The following CRISPLD1 variants were observed in gnomAD, a reference collection of about 807,000 sequenced individuals.
CRISPLD1 encodes the protein cysteine-rich secretory protein LCCL domain-containing 1.
CRISPLD1 carries 60 observed loss-of-function variants against 77.5 expected under a neutral mutation model. The observed-to-expected ratio is 0.77, with a 90% CI of 0.63 to 0.96. The LOEUF is 0.96. Among genes scored for constraint, CRISPLD1 ranks in the 40% least tolerant of loss-of-function variants. The pLI is 0.00. For missense variants in CRISPLD1, 623 were observed against 615.8 expected (o/e 1.01, Z -0.12); for synonymous variants, 195 against 200.1 (o/e 0.97, Z 0.22).
intron 12 of CRISPLD1, among the ~76,000 whole-genome samples, chr8:75,025,332 T>A (rs572753996): frequency 6.6e-6 from 1 of 151,604 alleles, no homozygotes; most frequent in Admixed American, 6.6e-5. Flanking sequence ...TCCTAACTAA[T>A]TTTTTTTAAA....
At chr8:75,030,341 A>G (rs1813313060) in intron 14 of CRISPLD1, among the ~76,000 whole-genome samples, 1 of 152,088 alleles carries the variant, frequency 6.6e-6, no homozygotes, top group Non-Finnish European at 1.5e-5. Context: ...CTGTTTTCAT[A>G]TTAGACTATA....
chr8:74,995,851 A>G (rs557025339), intron 2 of CRISPLD1, among the ~76,000 whole-genome samples: 24 of 152,156 alleles, frequency 1.6e-4, no homozygotes, highest in Non-Finnish European at 3.1e-4. Context: ...CCGATTAAGA[A>G]TTACATTTAG....
chr8:74,990,032 A>G (rs1381006441), intron 2 of CRISPLD1, among the ~76,000 whole-genome samples: 1 of 152,206 alleles, frequency 6.6e-6, no homozygotes, highest in Non-Finnish European at 1.5e-5. Flanking sequence ...TCTCACTTAC[A>G]TGTGGGAGCT....
intron 2 of CRISPLD1, among the ~76,000 whole-genome samples, chr8:75,009,476 A>G (rs1232503165): frequency 2.0e-5 from 3 of 152,120 alleles, no homozygotes; most frequent in Non-Finnish European, 4.4e-5. Flanking sequence ...TGGAAAGGGT[A>G]TTTTAAAACC....
chr8:74,987,675 A>G (rs72669290), intron 2 of CRISPLD1, among the ~76,000 whole-genome samples: 10,800 of 152,230 alleles, frequency 0.071, 430 homozygotes, highest in South Asian at 0.094. Context: ...GAAAAATTCT[A>G]TGACTTCTTC....
At chr8:75,010,285 ATCT>A (rs1172263006) in intron 2 of CRISPLD1, among the ~76,000 whole-genome samples, 2 of 152,122 alleles carry the variant, frequency 1.3e-5, no homozygotes, top group African/African-American at 4.8e-5. Context: ...TGAATTAGGA[ATCT>A]TCTTCTCCTC....
intron 2 of CRISPLD1, chr8:75,000,557 T>A: frequency 2.9e-6 from 1 of 340,926 alleles, no homozygotes; most frequent in Non-Finnish European, 4.1e-6. Flanking sequence ...TTGCCCTCCC[T>A]GTTTTCTTTG....
At position 75,032,946 on chromosome 8, in the gene CRISPLD1, C is replaced by T. The variant is rs1813377902; in HGVS notation, c.*704C>T. ...TAGTAAATGTAGGGTTAAGCATGGA[C>T]AGCCAGAGCTTTCTATGTACTGTTA... On this transcript the variant is annotated 3_prime_UTR_variant, in exon 15 of 15. Transcript: ENST00000262207. 6.6e-6 allele frequency: 1 copy of T among 151,876 alleles called. No individual in the cohort carries two copies. The highest frequency in any genetic ancestry group is 1.9e-4 in the East Asian group (1 of 5,194). 9.4% of individuals were successfully genotyped at this position (151,876 alleles called of 1,614,324 possible).
chr8:74,986,320 T>G, intron 2 of CRISPLD1, 75 bp downstream of exon 2: 1 of 1,356,252 alleles, frequency 7.4e-7, no homozygotes. Context: ...TTCATGCTGT[T>G]CTTTAATCAT....
intron 2 of CRISPLD1, among the ~76,000 whole-genome samples, chr8:74,992,016 A>G (rs1168211073): frequency 6.6e-6 from 1 of 152,220 alleles, no homozygotes; most frequent in East Asian, 1.9e-4. Flanking sequence ...AAGGGTAAGT[A>G]TCATACCTTA....
chr8:75,013,555 A>G (rs117207340), intron 4 of CRISPLD1, among the ~76,000 whole-genome samples: 3,349 of 152,190 alleles, frequency 0.022, 59 homozygotes, highest in Middle Eastern at 0.068. Context: ...CCAGCATCAA[A>G]CTACCTGATA....
At position 74,986,008 on chromosome 8, in the gene CRISPLD1, G is replaced by C. The variant is rs903152847; in HGVS notation, c.21G>C (p.Glu7Asp). The C allele has an allele frequency of 3.1e-6, 5 of 1,613,960 alleles. No individual in the cohort carries two copies. The East Asian group carries it at 8.9e-5, about 29-fold the overall frequency. ...TCATTATGAAGTGTACCGCGCGGGA[G>C]TGGCTCAGAGTAACCACAGTGCTGT... The part of the protein sequence containing the change: MKCTAR[E>D]WLRVTTVLFM... The change falls in exon 2 of 15, where the codon GAG becomes GAC. Residue 7 changes from glutamate to aspartate, a missense_variant. By Grantham distance (45) the Glu-to-Asp change is conservative. Transcript: ENST00000262207.
In CRISPLD1 at chr8:75,017,264, A is replaced by T; in HGVS notation, c.997-56A>T. The T allele has an allele frequency of 1.9e-6, 3 of 1,588,702 alleles. No individual in the cohort carries two copies. The South Asian group carries it at 3.4e-5, about 18-fold the overall frequency. On this transcript the variant is annotated intron_variant, in intron 9 of 14. Transcript: ENST00000262207. ...GTCACATAAGTGGTAAATAGTTGGG[A>T]CTTATGCAGAACTCTAATATTTTTA...
intron 6 of CRISPLD1, among the ~76,000 whole-genome samples, chr8:75,015,180 T>A (rs140644921): frequency 1.3e-3 from 196 of 152,308 alleles, no homozygotes; most frequent in African/African-American, 4.5e-3. Flanking sequence ...TATATTTATA[T>A]TCTTAAAAAG....
At chr8:74,996,709 C>CT (rs1178454369) in intron 2 of CRISPLD1, among the ~76,000 whole-genome samples, 8,697 of 73,422 alleles carry the variant, frequency 0.12, 1,655 homozygotes, top group Non-Finnish European at 0.14. Flanking sequence ...GAGCCAGAAT[C>CT]TTTTTTTTTT....
chr8:74,994,932 C>T lies in CRISPLD1; in HGVS notation c.258+8687C>T, dbSNP rs76147096. 7.9e-3 allele frequency among the ~76,000 whole-genome samples: 1,196 copies of T among 152,102 alleles called. 8 individuals are homozygous for T. Among genetic ancestry groups the T allele is most frequent in the East Asian group, 0.042 (216 of 5,164 alleles). On this transcript the variant is annotated intron_variant, in intron 2 of 14. Transcript: ENST00000262207. The stretch of plus-strand genomic sequence containing the variant: ...CAGCTTTAGGTAGAGAAAGATGGGG[C>T]GCAGTGTGAGACATATTAAAATTGA...
At chr8:75,022,823 C>T (rs1000792387) in intron 12 of CRISPLD1, among the ~76,000 whole-genome samples, 2 of 151,892 alleles carry the variant, frequency 1.3e-5, no homozygotes, top group Non-Finnish European at 2.9e-5. Flanking sequence ...TCCTGCAAGT[C>T]ATGTCCTTGA....
chr8:75,012,087 G>C (rs1012754488), intron 2 of CRISPLD1, among the ~76,000 whole-genome samples: 13 of 152,056 alleles, frequency 8.5e-5, no homozygotes, highest in African/African-American at 2.9e-4. Flanking sequence ...GCAAGGACTT[G>C]TATGCTTAAT....
At chr8:75,019,817 T>A in intron 10 of CRISPLD1, 53 bp from the exon 11 acceptor site, 1 of 1,392,064 alleles carries the variant, frequency 7.2e-7, no homozygotes, top group East Asian at 2.3e-5. Context: ...GAAATGATGC[T>A]GCTGCTGATG....
Sources: gnomAD v4.1 joint callset for allele counts (sites outside exome capture counted in the v4.1 genomes callset) on GRCh38, gnomAD v4.1.1 for gene constraint, MANE v1.5 for transcripts, NCBI Gene and HGNC (gene_info 2026-07-23, HGNC 2026-07-21) for gene names.